Variants in NTM observed in about 807,000 individuals in gnomAD.
The protein encoded by NTM is IgLON family member 2.
A neutral mutation model predicts 42.1 loss-of-function variants in NTM; 13 were observed. The ratio of observed to expected loss-of-function variants is 0.31; its 90% CI spans 0.20 to 0.49. The LOEUF (loss-of-function observed/expected upper bound fraction) is 0.49. Among genes scored for constraint, NTM ranks in the 20% least tolerant of loss-of-function variants. NTM has a pLI of 0.99. For synonymous variants in NTM, 187 were observed against 179.2 expected, an observed-to-expected ratio of 1.04 and a Z score of -0.35; for missense variants, 373 against 452.8, an observed-to-expected ratio of 0.82 and a Z score of 1.60.
At chr11:132,283,484 A>G (rs2094088954) in intron 4 of NTM, among the ~76,000 whole-genome samples, 1 of 152,200 alleles carries the variant, frequency 6.6e-6, no homozygotes, top group Non-Finnish European at 1.5e-5. Flanking sequence ...CGTCTTTGTC[A>G]AGTAAGACAA....
intron 2 of NTM, among the ~76,000 whole-genome samples, chr11:132,113,016 C>T (rs1400341439): frequency 6.6e-6 from 1 of 152,262 alleles, no homozygotes; most frequent in East Asian, 1.9e-4. Flanking sequence ...CAGAAAGAAT[C>T]TACCCCAGTG....
chr11:131,910,907 C>T, intron 1 of NTM: 3 of 986,434 alleles, frequency 3.0e-6, no homozygotes, highest in Non-Finnish European at 3.6e-6. Flanking sequence ...GCCCGCGCGG[C>T]CGTCTCCTCC....
chr11:132,310,264 A>C lies in NTM; in HGVS notation c.782+32A>C, dbSNP rs1336368664. ...CTTCCTTCTTTCCTATCCCACCCCT[A>C]CCCCCATCTCCAGGAGAAACTTTTC... On this transcript the variant is annotated intron_variant, in intron 6 of 8. Transcript: ENST00000683400. 27 of 1,541,070 alleles carry C rather than the reference A, an allele frequency of 1.8e-5. No homozygotes were observed. The Admixed American group carries it at 2.5e-4, about 14-fold the overall frequency.
rs370487869 is a variant in NTM, at chr11:131,883,985, A to G, written c.83-27579A>G. On this transcript the variant is annotated intron_variant, in intron 1 of 8. Coordinates refer to ENST00000683400, the MANE Select transcript of NTM (RefSeq NM_001352005.2). ...CCATATGATAGCTACAAATAATAAT[A>G]TTTAATAGTTACTGAATCCTTAATA... Among the ~76,000 whole-genome samples the G allele has an allele frequency of 2.0e-3, 300 of 152,302 alleles. 2 individuals are homozygous for G. Among genetic ancestry groups the G allele is most frequent in the African/African-American group, 6.9e-3 (288 of 41,562 alleles).
intron 3 of NTM, among the ~76,000 whole-genome samples, chr11:132,199,158 G>A (rs1408269621): frequency 1.3e-5 from 2 of 152,176 alleles, no homozygotes; most frequent in East Asian, 3.9e-4. Flanking sequence ...TATGTGGACA[G>A]CTATGATTAA....
intron 1 of NTM, among the ~76,000 whole-genome samples, chr11:131,860,213 T>C (rs1022069479): frequency 1.3e-5 from 2 of 152,156 alleles, no homozygotes; most frequent in African/African-American, 4.8e-5. Flanking sequence ...GGGGCCCCCA[T>C]GACCATCTCG....
intron 1 of NTM, among the ~76,000 whole-genome samples, chr11:131,524,319 A>G (rs553323085): frequency 6.6e-6 from 1 of 152,310 alleles, no homozygotes; most frequent in African/African-American, 2.4e-5. Flanking sequence ...ATCAAGCTCC[A>G]AGAGACGAAG....
chr11:131,835,209 T>C (rs1248852780), intron 1 of NTM, among the ~76,000 whole-genome samples: 2 of 152,170 alleles, frequency 1.3e-5, no homozygotes, highest in Admixed American at 6.5e-5. Context: ...GATATTTCTG[T>C]TTGAAAATTG....
At chr11:132,064,404 A>G (rs2081133196) in intron 2 of NTM, among the ~76,000 whole-genome samples, 1 of 152,202 alleles carries the variant, frequency 6.6e-6, no homozygotes, top group Non-Finnish European at 1.5e-5. Flanking sequence ...TGAAATTGCC[A>G]TTAAGTTAGG....
At chr11:131,583,069 G>T (rs1296677255) in intron 1 of NTM, among the ~76,000 whole-genome samples, 1 of 152,182 alleles carries the variant, frequency 6.6e-6, no homozygotes. Flanking sequence ...TCTCTTTGAT[G>T]ATCCAAATGC....
chr11:131,690,851 CTGTT>C (rs1565430176), intron 1 of NTM, among the ~76,000 whole-genome samples: 1 of 152,202 alleles, frequency 6.6e-6, no homozygotes. Flanking sequence ...CAGAAGGAAG[CTGTT>C]TGTCCTGTCC....
At chr11:131,678,710 G>C (rs1204368724) in intron 1 of NTM, among the ~76,000 whole-genome samples, 1 of 152,166 alleles carries the variant, frequency 6.6e-6, no homozygotes, top group Non-Finnish European at 1.5e-5. Context: ...TGGAGCTCCT[G>C]TTTCTTTTCC....
At chr11:131,509,512 TAAGC>T (rs1327740148) in intron 1 of NTM, among the ~76,000 whole-genome samples, 2 of 152,216 alleles carry the variant, frequency 1.3e-5, no homozygotes, top group Admixed American at 6.5e-5. Context: ...AGGCAAATCT[TAAGC>T]AAGCAGTTGC....
At chr11:131,514,301 A>C (rs989027067) in intron 1 of NTM, among the ~76,000 whole-genome samples, 1 of 152,170 alleles carries the variant, frequency 6.6e-6, no homozygotes, top group African/African-American at 2.4e-5. Flanking sequence ...TCTACTTGAT[A>C]GTGTTGTAAA....
At chr11:131,609,661 A>T (rs1267514841) in intron 1 of NTM, among the ~76,000 whole-genome samples, 1 of 152,224 alleles carries the variant, frequency 6.6e-6, no homozygotes, top group South Asian at 2.1e-4. Context: ...ATGAGTAACA[A>T]TGCCAAGCCC....
At chr11:132,147,725 C>T (rs144013429) in intron 3 of NTM, among the ~76,000 whole-genome samples, 180 of 152,130 alleles carry the variant, frequency 1.2e-3, no homozygotes, top group Non-Finnish European at 1.6e-3. Context: ...CAACCAGGGA[C>T]GTGTAGCTCC....
chr11:132,314,874 AGAGACAGGGAG>A, intron 7 of NTM, 171 bp downstream of exon 7: 2 of 1,368,362 alleles, frequency 1.5e-6, no homozygotes, highest in Non-Finnish European at 1.9e-6. Flanking sequence ...AGAGGGACAG[AGAGACAGGGAG>A]GAGGCAGACA....
intron 7 of NTM, among the ~76,000 whole-genome samples, chr11:132,323,385 A>G (rs1445938893): frequency 6.6e-6 from 1 of 151,948 alleles, no homozygotes; most frequent in Non-Finnish European, 1.5e-5. Context: ...CCATCAGAGA[A>G]TACTACAAAC....
chr11:132,242,887 T>C (rs1046194829), intron 4 of NTM, among the ~76,000 whole-genome samples: 1 of 152,218 alleles, frequency 6.6e-6, no homozygotes, highest in African/African-American at 2.4e-5. Flanking sequence ...TGATGTGCTT[T>C]GCATAATCTG....
Sources: allele counts gnomAD v4.1 joint callset (sites outside exome capture counted in the v4.1 genomes callset), GRCh38; gene constraint gnomAD v4.1.1; transcripts MANE v1.5; gene names NCBI Gene and HGNC (gene_info 2026-07-23, HGNC 2026-07-21).